The following ELF4 variants were observed in gnomAD, a reference collection of about 807,000 sequenced individuals.
ELF4 encodes the protein E74 like ETS transcription factor 4.
ELF4 carries 10 observed loss-of-function variants against 31.7 expected under a neutral mutation model. The observed-to-expected ratio is 0.32, with a 90% CI of 0.19 to 0.54. The LOEUF (loss-of-function observed/expected upper bound fraction) is 0.54, where lower values mean the gene tolerates loss of function less well. Among genes scored for constraint, ELF4 ranks in the 20% least tolerant of loss-of-function variants. ELF4 has a pLI of 0.95. For missense variants in ELF4, 418 were observed against 522.0 expected, an observed-to-expected ratio of 0.80 and a Z score of 1.94; for synonymous variants, 208 against 226.7, an observed-to-expected ratio of 0.92 and a Z score of 0.74.
rs1932644163 is a variant in ELF4 at position 130,065,521 on chromosome X, G to A, written c.*1200C>T. 5.7e-5 allele frequency: 10 copies of A among 174,675 alleles called. No individual in the cohort carries two copies. In the East Asian group the frequency reaches 8.1e-4, roughly 14 times the overall value. The allele number at this position is 174,675 out of a possible 1,213,427, so 14.4% of individuals were successfully genotyped here. A position where few individuals can be genotyped will look rare whatever the true frequency, so the allele number is the denominator to read the frequency against. Reference sequence around the variant, plus strand: ...GCTGCAGTCATCACAGAGGCAGGCTGGTCCGCCTTCGAGGTGAGTTGCAGG... The same window carrying A: ...GCTGCAGTCATCACAGAGGCAGGCTAGTCCGCCTTCGAGGTGAGTTGCAGG... On this transcript the variant is annotated 3_prime_UTR_variant, in exon 9 of 9. Transcript: ENST00000308167.
intron 1 of ELF4, among the ~76,000 whole-genome samples, chrX:130,087,052 AG>A (rs939319740): frequency 8.9e-6 from 1 of 112,560 alleles, no homozygotes; most frequent in African/African-American, 3.2e-5. Flanking sequence ...GAGGAAGAGG[AG>A]GGGGAGGGTT....
intron 1 of ELF4, among the ~76,000 whole-genome samples, chrX:130,104,575 A>C (rs1933343360): frequency 9.0e-6 from 1 of 111,504 alleles, no homozygotes; most frequent in Admixed American, 9.5e-5. Context: ...TATGCCAGGC[A>C]CTCTGCTGAG....
chrX:130,067,593 C>A, intron 8 of ELF4, 68 bp from the exon 9 acceptor site: 1 of 1,058,185 alleles, frequency 9.5e-7, no homozygotes, highest in Non-Finnish European at 1.3e-6. Context: ...GGAAGGAGGG[C>A]ACGAGAGGAA....
intron 7 of ELF4, among the ~76,000 whole-genome samples, chrX:130,069,928 C>A (rs1380122228): frequency 1.8e-5 from 2 of 112,242 alleles, no homozygotes; most frequent in African/African-American, 6.5e-5. Context: ...TCAGATGTCA[C>A]CCCACTCCAA....
At chrX:130,072,190 T>G in intron 5 of ELF4, 36 bp downstream of exon 5, 1 of 561,638 alleles carries the variant, frequency 1.8e-6, no homozygotes, top group Non-Finnish European at 2.9e-6. Flanking sequence ...GCCCATCCCC[T>G]CGGAGACACA....
intron 2 of ELF4, among the ~76,000 whole-genome samples, chrX:130,077,240 C>T (rs1337953268): frequency 9.0e-6 from 1 of 111,665 alleles, no homozygotes; most frequent in African/African-American, 3.3e-5. Context: ...CCACGTGTGA[C>T]TAGTGGCCCC....
intron 1 of ELF4, among the ~76,000 whole-genome samples, chrX:130,095,380 A>AG (rs1489440532): frequency 2.0e-4 from 23 of 112,779 alleles, no homozygotes; most frequent in Admixed American, 9.4e-4. Context: ...AACATGATCA[A>AG]GGCCACCACT....
At chrX:130,098,866 A>G (rs1390498326) in intron 1 of ELF4, among the ~76,000 whole-genome samples, 1 of 112,084 alleles carries the variant, frequency 8.9e-6, no homozygotes, top group East Asian at 2.8e-4. Context: ...CAGGGCCTGC[A>G]TGCCAAAGCT....
At position 130,106,240 on chromosome X, in the gene ELF4, C is replaced by A. The variant is rs180731479; in HGVS notation, c.-210+4085G>T. On this transcript the variant is annotated intron_variant, in intron 1 of 8. Coordinates refer to ENST00000308167, the MANE Select transcript of ELF4 (RefSeq NM_001421.4). ...GCTGCTGCTGACCTCCAGTCCCAGC[C>A]GTGCTGGCCTCTGCTCCAACAAGCA... 8.8e-4 allele frequency among the ~76,000 whole-genome samples: 96 copies of A among 109,080 alleles called. 2 individuals carry two copies. The East Asian group carries it at 0.025, about 29-fold the overall frequency. The allele number at this position is 109,080 out of a possible 115,157, so 94.7% of individuals were successfully genotyped here.
intron 8 of ELF4, among the ~76,000 whole-genome samples, chrX:130,068,406 G>A (rs1350408057): frequency 4.5e-5 from 5 of 112,130 alleles, no homozygotes; most frequent in Non-Finnish European, 9.4e-5. Flanking sequence ...TACATAGTAA[G>A]CACTACAGCA....
chrX:130,071,501 A>T lies in ELF4; in HGVS notation c.533-82T>A, dbSNP rs1009386799. ...TGGCCAAGTTGGCTGTGACAAAGCC[A>T]ACAAGGAGGAGGCAGGTCACCAGGG... On this transcript the variant is annotated intron_variant, in intron 5 of 8. Transcript: ENST00000308167. The T allele has an allele frequency of 2.8e-5, 27 of 976,078 alleles. No homozygotes were observed. In the South Asian group the frequency reaches 4.6e-4, roughly 17 times the overall value. 80.4% of individuals were successfully genotyped at this position (976,078 alleles called of 1,213,427 possible). A position where few individuals can be genotyped will look rare whatever the true frequency, so the allele number is the denominator to read the frequency against.
chrX:130,064,874 T>A lies in ELF4; in HGVS notation c.*1847A>T, dbSNP rs937266542. The A allele has an allele frequency of 5.1e-5, 7 of 137,838 alleles. No individual in the cohort carries two copies. The highest frequency in any genetic ancestry group is 8.7e-5 in the Non-Finnish European group (6 of 68,715). 11.4% of individuals were successfully genotyped at this position (137,838 alleles called of 1,213,427 possible). On this transcript the variant is annotated 3_prime_UTR_variant, in exon 9 of 9. Transcript: ENST00000308167. ...ACCCATGCAGCACCTTTATGCAAAA[T>A]TTTTTTTTAATGGTGACCCTTTATC...
intron 1 of ELF4, among the ~76,000 whole-genome samples, chrX:130,082,349 C>G (rs1301897678): frequency 9.0e-6 from 1 of 111,619 alleles, no homozygotes; most frequent in Non-Finnish European, 1.9e-5. Flanking sequence ...ACCGCCGCCA[C>G]CCACCAGAGA....
At chrX:130,073,962 A>G (rs1214430813) in intron 4 of ELF4, 87 bp downstream of exon 4, 35 of 999,192 alleles carry the variant, frequency 3.5e-5, no homozygotes, top group Non-Finnish European at 4.8e-5. Flanking sequence ...GTGTGCACAC[A>G]TGCCTGAGAA....
In ELF4 at chrX:130,066,646, T is replaced by A; in HGVS notation, c.*75A>T. 1 of 1,030,532 alleles carries A rather than the reference T, an allele frequency of 9.7e-7. No homozygotes were observed. The highest frequency in any genetic ancestry group is 1.4e-6 in the Non-Finnish European group (1 of 738,714). The allele number at this position is 1,030,532 out of a possible 1,213,427, so 84.9% of individuals were successfully genotyped here. On this transcript the variant is annotated 3_prime_UTR_variant, in exon 9 of 9. Transcript: ENST00000308167. The stretch of plus-strand genomic sequence containing the variant: ...TCCCACTGAAATGCAGGGGCAGGTG[T>A]GCTACTGAAGTCGGTCCCTATGAAA...
intron 1 of ELF4, among the ~76,000 whole-genome samples, chrX:130,089,430 G>A (rs1356720028): frequency 1.0e-5 from 1 of 96,551 alleles, no homozygotes; most frequent in Non-Finnish European, 2.0e-5. Context: ...GATCGCTTGA[G>A]CCTGGGAGGT....
Position 130,067,262 on chromosome X carries a change from C to T in ELF4, c.1451G>A (p.Ser484Asn). 1 of 1,212,214 alleles carries T rather than the reference C, an allele frequency of 8.2e-7. No homozygotes were observed. The highest frequency in any genetic ancestry group is 1.1e-6 in the Non-Finnish European group (1 of 895,527). ...VAAPGAPLIL[S>N]GLPQLLAGAN... ...CCCAGCCAGAAGTTGGGGGAGGCCA[C>T]TGAGAATCAGTGGAGCCCCTGGGGC... Residue 484 changes from serine to asparagine, a missense_variant, in exon 9 of 9, where the codon AGT becomes AAT. Ser to Asn is a conservative substitution (Grantham distance 46, BLOSUM62 1). Around this residue, in one of 4 missense-constraint regions of ELF4, gnomAD observed 260 missense variants for 269.2 expected, o/e 0.97. Coordinates refer to ENST00000308167, the MANE Select transcript of ELF4 (RefSeq NM_001421.4).
In ELF4 at chrX:130,083,013, C is replaced by T. The variant is rs941363303; in HGVS notation, c.-209-1474G>A. Among the ~76,000 whole-genome samples, 63 of 110,613 alleles carry T rather than the reference C, an allele frequency of 5.7e-4. 1 individual carries two copies. The highest frequency in any genetic ancestry group is 3.3e-3 in the Admixed American group (34 of 10,416). On this transcript the variant is annotated intron_variant, in intron 1 of 8. Coordinates refer to ENST00000308167, the MANE Select transcript of ELF4 (RefSeq NM_001421.4). ...ACCACGGTGACCTCCCTGATGACCG[C>T]TCTCCCCCACAGGAGACACCCAGGC...
At chrX:130,102,875 AGAGAG>A (rs1933292873) in intron 1 of ELF4, among the ~76,000 whole-genome samples, 23 of 67,564 alleles carry the variant, frequency 3.4e-4, no homozygotes, top group Non-Finnish European at 4.2e-4. Context: ...AGAGAGAGAG[AGAGAG>A]AGAGAGAAAG....
Sources: gnomAD v4.1 joint callset for allele counts (sites outside exome capture counted in the v4.1 genomes callset) on GRCh38, gnomAD v4.1.1 for gene constraint, gnomAD v4.1.1 regional missense constraint, MANE v1.5 for transcripts, NCBI Gene and HGNC (gene_info 2026-07-23, HGNC 2026-07-21) for gene names.